Variants in G6PD observed in about 807,000 individuals in gnomAD.
G6PD encodes the protein glucose-6-phosphate 1-dehydrogenase.
In G6PD, 2 loss-of-function variants were observed where a neutral mutation model predicts 38.2. That is an observed-to-expected ratio of 0.05 (90% confidence interval 0.02 to 0.16). The LOEUF (loss-of-function observed/expected upper bound fraction) is 0.16. G6PD is among the 10% of genes least tolerant of loss of function. The pLI is 1.00. For synonymous variants in G6PD, 188 were observed against 196.0 expected (o/e 0.96, Z 0.34); for missense variants, 310 against 471.6 (o/e 0.66, Z 3.17).
upstream of G6PD, chrX:154,547,206 G>A (rs185623633): frequency 2.3e-6 from 1 of 443,367 alleles, no homozygotes; most frequent in South Asian, 1.1e-4. Flanking sequence ...GCTCGCGGAG[G>A]GCTCCACTTC....
chrX:154,534,627 G>A (rs184318694), intron 5 of G6PD, 131 bp from the exon 6 acceptor site: 25 of 755,547 alleles, frequency 3.3e-5, no homozygotes, highest in South Asian at 1.2e-4. Flanking sequence ...GCCACCTCCC[G>A]TGCCTTGTGT....
intron 2 of G6PD, among the ~76,000 whole-genome samples, chrX:154,540,638 G>A (rs374627028): frequency 7.6e-4 from 49 of 64,330 alleles, no homozygotes; most frequent in African/African-American, 1.2e-3. Context: ...TCCATGTCAC[G>A]AAAAAAAAAA....
Position 154,546,048 on chromosome X carries a change from G to A in G6PD, c.108C>T (p.Ile36=). Residue 36 remains isoleucine (I), a synonymous_variant, in exon 2 of 13, where the codon ATC becomes ATT. Transcript: ENST00000393562. ...FHQSDTHIFI[I]MGASGDLAKK... ...GGGAGATACTCACCGATGCACCCATGATGATGAATATGTGTGTATCCGACT... is the reference window on the plus strand; with the variant it reads ...GGGAGATACTCACCGATGCACCCATAATGATGAATATGTGTGTATCCGACT... 8.3e-7 allele frequency: 1 copy of A among 1,210,952 alleles called. No individual in the cohort carries two copies. Among genetic ancestry groups the A allele is most frequent in the South Asian group, 1.8e-5 (1 of 56,977 alleles).
intron 1 of G6PD, 66 bp from the exon 2 acceptor site, chrX:154,546,229 C>T: frequency 8.5e-7 from 1 of 1,177,600 alleles, no homozygotes; most frequent in Non-Finnish European, 1.1e-6. Context: ...TAGCCCCTTT[C>T]TTGAGAGTTC....
Position 154,535,306 on chromosome X carries a change from G to C in G6PD, c.347C>G (p.Ala116Gly). 1 of 1,212,216 alleles carries C rather than the reference G, an allele frequency of 8.2e-7. No homozygotes were observed. Among genetic ancestry groups the C allele is most frequent in the Non-Finnish European group, 1.1e-6 (1 of 895,529 alleles). ...GTGGCTGTTGAGGCGCTGGTAGGAG[G>C]CTGCATCATCGTACTGGCCAGCCAC... The part of the protein sequence containing the change: ...SYVAGQYDDA[A>G]SYQRLNSHMN... Residue 116 changes from alanine (A) to glycine (G), a missense_variant, in exon 5 of 13, where the codon GCC becomes GGC. Coordinates refer to ENST00000393562, the MANE Select transcript of G6PD (RefSeq NM_001360016.2).
intron 2 of G6PD, among the ~76,000 whole-genome samples, chrX:154,538,524 C>T (rs62617845): frequency 0.026 from 2,922 of 112,098 alleles, 33 homozygotes; most frequent in Non-Finnish European, 0.037. Flanking sequence ...CAATCTTGCT[C>T]AACCCAACAG....
chrX:154,542,128 T>A (rs1240564359), intron 2 of G6PD: 1 of 449,445 alleles, frequency 2.2e-6, no homozygotes, highest in African/African-American at 2.6e-5. Flanking sequence ...AACATCATCA[T>A]GACACAGCAA....
In G6PD at chrX:154,535,211, C is replaced by T. The variant is rs1191977862; in HGVS notation, c.442G>A (p.Glu148Lys). The T allele has an allele frequency of 1.7e-6, 2 of 1,209,887 alleles. No individual in the cohort carries two copies. Among genetic ancestry groups the T allele is most frequent in the African/African-American group, 1.7e-5 (1 of 57,191 alleles). ...TCGTGAATGTTCTTGGTGACGGCCT[C>T]GTAGACGGTCGGGGGCAAGGCCAGG... The part of the protein sequence containing the change: ...FYLALPPTVY[E>K]AVTKNIHESC... The change falls in exon 5 of 13, where the codon GAG (glutamate) becomes AAG (lysine). Residue 148 changes from glutamate (E) to lysine (K), a missense_variant. By Grantham distance (56) the Glu-to-Lys change is moderately conservative. Transcript: ENST00000393562.
At chrX:154,535,090 G>C in intron 5 of G6PD, 78 bp downstream of exon 5, 1 of 1,007,175 alleles carries the variant, frequency 9.9e-7, no homozygotes, top group Admixed American at 2.2e-5. Flanking sequence ...CCCCGGCCCC[G>C]GACACGCTCA....
chrX:154,539,673 G>C (rs782393865), intron 2 of G6PD, among the ~76,000 whole-genome samples: 1 of 110,993 alleles, frequency 9.0e-6, no homozygotes, highest in Non-Finnish European at 1.9e-5. Flanking sequence ...CTGAGTTTGT[G>C]AAAAGTCATC....
At chrX:154,546,419 G>A (rs1010835196) in intron 1 of G6PD, among the ~76,000 whole-genome samples, 5 of 112,293 alleles carry the variant, frequency 4.5e-5, no homozygotes, top group Non-Finnish European at 9.4e-5. Flanking sequence ...GGTGTATTCC[G>A]ACTACAGCAT....
In G6PD at chrX:154,531,737, G is replaced by T; in HGVS notation, c.*263C>A. On this transcript the variant is annotated 3_prime_UTR_variant, in exon 13 of 13. Transcript: ENST00000393562. ...AATGGGCGCCCTCCTCCTTCCTTCT[G>T]TTGGGCTGGAGTGAGTGGAGGAGGT... 1 of 428,719 alleles carries T rather than the reference G, an allele frequency of 2.3e-6. No homozygotes were observed. 35.3% of individuals were successfully genotyped at this position (428,719 alleles called of 1,213,427 possible). A position where few individuals can be genotyped will look rare whatever the true frequency, so the allele number is the denominator to read the frequency against.
Position 154,533,313 on chromosome X carries a change from C to T in G6PD, c.865-185G>A, listed in dbSNP as rs1164093978. On this transcript the variant is annotated intron_variant, in intron 8 of 12. Transcript: ENST00000393562. ...CCTCCAGGACCACCCTGGTCCATCT[C>T]GAGTCTATTCTGATGAACAAGCTGA... The T allele has an allele frequency of 1.2e-4, 60 of 514,256 alleles. 1 individual carries two copies. The highest frequency in any genetic ancestry group is 1.8e-4 in the Non-Finnish European group (57 of 312,096). 42.4% of individuals were successfully genotyped at this position (514,256 alleles called of 1,213,427 possible).
rs267606836 is a variant in G6PD at position 154,534,438 on chromosome X, G to A, written c.544C>T (p.Arg182Trp). The change falls in exon 6 of 13, where the codon CGG becomes TGG. Residue 182 changes from arginine (R) to tryptophan (W), a missense_variant. Around this residue, in one of 4 missense-constraint regions of G6PD, gnomAD observed 96 missense variants for 93.3 expected, o/e 1.03. Coordinates refer to ENST00000393562, the MANE Select transcript of G6PD (RefSeq NM_001360016.2). ...AGGGAGGAGATGTGGTTGGACAGCC[G>A]GTCAGAGCTCTGCAGGTCCCTCCCG... The part of the protein sequence containing the change: ...PFGRDLQSSD[R>W]LSNHISSLFR... The A allele has an allele frequency of 5.0e-6, 6 of 1,209,651 alleles. No homozygotes were observed. Among genetic ancestry groups the A allele is most frequent in the East Asian group, 3.0e-5 (1 of 33,757 alleles).
chrX:154,541,735 T>C (rs1242515157), intron 2 of G6PD, among the ~76,000 whole-genome samples: 12 of 112,206 alleles, frequency 1.1e-4, no homozygotes, highest in Admixed American at 3.8e-4. Context: ...CAAGGTGACT[T>C]AGTAGAAGCA....
upstream of G6PD, chrX:154,546,850 G>A: frequency 8.8e-7 from 1 of 1,130,789 alleles, no homozygotes. Context: ...CGTTTCCGGG[G>A]GCTGAGCCCC....
intron 2 of G6PD, among the ~76,000 whole-genome samples, chrX:154,543,559 T>A (rs2070589178): frequency 4.5e-5 from 5 of 112,283 alleles, no homozygotes; most frequent in Admixed American, 9.5e-5. Flanking sequence ...TTGCAGTGCC[T>A]TGTGACAGCA....
chrX:154,535,101 T>G (rs1297356639), intron 5 of G6PD, 67 bp downstream of exon 5: 5 of 1,038,644 alleles, frequency 4.8e-6, no homozygotes, highest in Non-Finnish European at 6.8e-6. Context: ...GACACGCTCA[T>G]AGAGTGGTGG....
chrX:154,535,095 C>G, intron 5 of G6PD, 73 bp downstream of exon 5: 1 of 1,025,328 alleles, frequency 9.8e-7, no homozygotes, highest in Non-Finnish European at 1.4e-6. Context: ...GCCCCGGACA[C>G]GCTCATAGAG....
Sources: gnomAD v4.1 joint callset for allele counts (sites outside exome capture counted in the v4.1 genomes callset) on GRCh38, gnomAD v4.1.1 for gene constraint, gnomAD v4.1.1 regional missense constraint, MANE v1.5 for transcripts, NCBI Gene and HGNC (gene_info 2026-07-23, HGNC 2026-07-21) for gene names.